Variants in RORA observed in about 807,000 individuals in gnomAD.
RORA encodes nuclear receptor ROR-alpha.
Under a neutral mutation model 69.5 loss-of-function variants are expected in RORA, and 7 were observed. The ratio of observed to expected loss-of-function variants is 0.10; its 90% confidence interval spans 0.06 to 0.19. The LOEUF is 0.19. Ranked by LOEUF, RORA falls within the 10% of genes least tolerant of loss-of-function variation. The pLI, the probability that RORA is intolerant of heterozygous loss-of-function variation, is 1.00. For synonymous variants in RORA, 261 were observed against 240.8 expected (o/e 1.08, Z -0.78); for missense variants, 457 against 663.0 (o/e 0.69, Z 3.41).
chr15:60,745,555 G>A (rs2071635274), intron 1 of RORA, among the ~76,000 whole-genome samples: 1 of 152,142 alleles, frequency 6.6e-6, no homozygotes, highest in Non-Finnish European at 1.5e-5. Flanking sequence ...CCTTGGCCTC[G>A]GCATGGCCAG....
intron 2 of RORA, among the ~76,000 whole-genome samples, chr15:60,584,921 G>A (rs539992549): frequency 1.7e-3 from 254 of 152,250 alleles, no homozygotes; most frequent in African/African-American, 5.9e-3. Flanking sequence ...TTCTATGATA[G>A]AAAGGTTTAA....
At chr15:60,893,118 T>C (rs1891124299) in intron 1 of RORA, among the ~76,000 whole-genome samples, 1 of 152,198 alleles carries the variant, frequency 6.6e-6, no homozygotes, top group Non-Finnish European at 1.5e-5. Context: ...GTGTCTCCTG[T>C]TATGTGCTTC....
chr15:60,811,286 G>A (rs2072739748), intron 1 of RORA, among the ~76,000 whole-genome samples: 2 of 152,124 alleles, frequency 1.3e-5, no homozygotes, highest in Non-Finnish European at 2.9e-5. Flanking sequence ...AGAGATACCT[G>A]GTGCCATCAG....
intron 2 of RORA, among the ~76,000 whole-genome samples, chr15:60,664,635 G>A (rs2070355099): frequency 6.6e-6 from 1 of 152,156 alleles, no homozygotes; most frequent in South Asian, 2.1e-4. Flanking sequence ...TACGTTACAG[G>A]CAAGGGACAT....
intron 1 of RORA, among the ~76,000 whole-genome samples, chr15:61,084,336 G>C (rs973153832): frequency 7.2e-5 from 11 of 152,174 alleles, no homozygotes; most frequent in Admixed American, 3.9e-4. Context: ...AACCTAGGTA[G>C]CAACTGTACA....
chr15:60,928,960 T>G (rs112024087), intron 1 of RORA, among the ~76,000 whole-genome samples: 3,855 of 152,248 alleles, frequency 0.025, 55 homozygotes, highest in Middle Eastern at 0.078. Context: ...CTTCTTCTTT[T>G]TTTAATCTTG....
chr15:61,087,045 C>T (rs1367003589), intron 1 of RORA, among the ~76,000 whole-genome samples: 1 of 152,138 alleles, frequency 6.6e-6, no homozygotes, highest in Non-Finnish European at 1.5e-5. Context: ...GGCAGTGTGG[C>T]CTGTAGTCCT....
intron 1 of RORA, among the ~76,000 whole-genome samples, chr15:60,888,430 C>T (rs543786185): frequency 1.1e-4 from 17 of 152,162 alleles, no homozygotes; most frequent in African/African-American, 4.1e-4. Flanking sequence ...TTACACGGGG[C>T]GAAAAGGGAG....
chr15:60,756,674 A>G (rs1391526580), intron 1 of RORA, among the ~76,000 whole-genome samples: 2 of 152,334 alleles, frequency 1.3e-5, no homozygotes, highest in African/African-American at 4.8e-5. Context: ...AGAAATAAAC[A>G]AAGAATAAAA....
intron 1 of RORA, among the ~76,000 whole-genome samples, chr15:60,817,542 C>G (rs1465606835): frequency 6.6e-6 from 1 of 152,194 alleles, no homozygotes; most frequent in Non-Finnish European, 1.5e-5. Context: ...CTGTGCAATA[C>G]AACACCAGAA....
chr15:60,774,700 C>T (rs1276296963), intron 1 of RORA, among the ~76,000 whole-genome samples: 3 of 152,182 alleles, frequency 2.0e-5, no homozygotes. Context: ...ACATTGGCCA[C>T]TGGTATTTCT....
intron 1 of RORA, among the ~76,000 whole-genome samples, chr15:60,997,546 T>C (rs946943961): frequency 6.6e-6 from 1 of 152,224 alleles, no homozygotes; most frequent in Non-Finnish European, 1.5e-5. Flanking sequence ...AAAATTGTTT[T>C]TCCCCTGAGA....
intron 1 of RORA, among the ~76,000 whole-genome samples, chr15:60,980,529 G>A (rs1894014261): frequency 6.6e-6 from 1 of 152,098 alleles, no homozygotes; most frequent in African/African-American, 2.4e-5. Flanking sequence ...TTTGTTAGAA[G>A]TTTTTTCTTG....
At chr15:60,780,405 G>C (rs1246435282) in intron 1 of RORA, among the ~76,000 whole-genome samples, 2 of 152,180 alleles carry the variant, frequency 1.3e-5, no homozygotes, top group Non-Finnish European at 2.9e-5. Flanking sequence ...ACATCCGCAT[G>C]TAAGATACAT....
At chr15:60,522,700 T>C (rs2066209460) in intron 3 of RORA, among the ~76,000 whole-genome samples, 1 of 151,420 alleles carries the variant, frequency 6.6e-6, no homozygotes, top group Non-Finnish European at 1.5e-5. Flanking sequence ...AGCCAGGAGT[T>C]TGAGGGTGCA....
chr15:60,954,688 T>C (rs1318662756), intron 1 of RORA, among the ~76,000 whole-genome samples: 2 of 152,224 alleles, frequency 1.3e-5, no homozygotes, highest in Non-Finnish European at 1.5e-5. Context: ...TCAAGTGAAA[T>C]GCCAAATCTT....
chr15:60,533,338 C>G (rs1434468491), intron 2 of RORA, among the ~76,000 whole-genome samples: 1 of 152,096 alleles, frequency 6.6e-6, no homozygotes, highest in Admixed American at 6.5e-5. Flanking sequence ...TTCTAATACC[C>G]CAATAATGGT....
At chr15:60,845,557 T>C (rs1266425252) in intron 1 of RORA, among the ~76,000 whole-genome samples, 1 of 152,194 alleles carries the variant, frequency 6.6e-6, no homozygotes, top group Non-Finnish European at 1.5e-5. Context: ...AACTTGCTAC[T>C]GAATCTCAGC....
intron 1 of RORA, among the ~76,000 whole-genome samples, chr15:60,787,183 G>A (rs973933284): frequency 1.3e-5 from 2 of 152,246 alleles, no homozygotes; most frequent in African/African-American, 2.4e-5. Context: ...GGAGCGCCAT[G>A]GGGCCAACAG....
Sources: allele counts gnomAD v4.1 joint callset (sites outside exome capture counted in the v4.1 genomes callset), GRCh38; gene constraint gnomAD v4.1.1; transcripts MANE v1.5; gene names NCBI Gene and HGNC (gene_info 2026-07-23, HGNC 2026-07-21).